XRRA1: variants seen among roughly 807,000 people sequenced by gnomAD.
The protein encoded by XRRA1 is X-ray radiation resistance associated 1, also known as X-ray radiation resistance-associated protein 1.
A neutral mutation model predicts 80.2 loss-of-function variants in XRRA1; 69 were observed. That is an observed-to-expected ratio of 0.86 (90% CI 0.71 to 1.05). The LOEUF (loss-of-function observed/expected upper bound fraction) is 1.05. Ranked by LOEUF, XRRA1 falls within the 50% of genes least tolerant of loss-of-function variation. The pLI is 0.00. For missense variants in XRRA1, 967 were observed against 976.4 expected (o/e 0.99, Z 0.13); for synonymous variants, 348 against 389.9 (o/e 0.89, Z 1.27).
At position 74,930,076 on chromosome 11, in the gene XRRA1, T is replaced by C. The variant is rs138759622; in HGVS notation, c.424+224A>G. Among the ~76,000 whole-genome samples, 73 of 152,300 alleles carry C rather than the reference T, an allele frequency of 4.8e-4. No homozygotes were observed. In the East Asian group the frequency reaches 4.8e-3, roughly 10 times the overall value. On this transcript the variant is annotated intron_variant, in intron 6 of 18. Transcript: ENST00000684022. ...GAAAAAAAGAAGGGAATTATCTCCA[T>C]TGACAGATAGAGAAGTAGAAGATCA...
At chr11:74,867,701 A>G (rs993693843) in intron 10 of XRRA1, among the ~76,000 whole-genome samples, 11 of 152,180 alleles carry the variant, frequency 7.2e-5, no homozygotes, top group Admixed American at 1.3e-4. Context: ...AGAGGCCAAC[A>G]TTCAAATTCA....
At chr11:74,914,022 T>C (rs1012583396) in intron 8 of XRRA1, among the ~76,000 whole-genome samples, 2 of 152,206 alleles carry the variant, frequency 1.3e-5, no homozygotes, top group African/African-American at 4.8e-5. Context: ...TCTCACTCTG[T>C]CGCCTGGGGT....
intron 10 of XRRA1, among the ~76,000 whole-genome samples, chr11:74,868,228 TAAAGA>T (rs1045563512): frequency 1.3e-5 from 2 of 152,108 alleles, no homozygotes; most frequent in Non-Finnish European, 2.9e-5. Context: ...TCAACATTCT[TAAAGA>T]AAAGAATTTC....
Position 74,940,872 on chromosome 11 carries a change from A to C in XRRA1, c.7T>G (p.Phe3Val). Residue 3 changes from phenylalanine (F) to valine (V), a missense_variant, in exon 3 of 19, where the codon TTC becomes GTC. Coordinates refer to ENST00000684022, the MANE Select transcript of XRRA1 (RefSeq NM_001378157.1). Reference sequence around the variant, plus strand: ...TCATCCAGCTTGTAGATTCCTGAGAAGGCCATCTCCCTGAGAGCCAGGCAA... The same window carrying C: ...TCATCCAGCTTGTAGATTCCTGAGACGGCCATCTCCCTGAGAGCCAGGCAA... The part of the protein sequence containing the change: MA[F>V]SGIYKLDDGK... 1.2e-6 allele frequency: 2 copies of C among 1,607,064 alleles called. No homozygotes were observed. Among genetic ancestry groups the C allele is most frequent in the Non-Finnish European group, 1.7e-6 (2 of 1,176,796 alleles).
At chr11:74,948,215 T>C (rs1014096681) in intron 1 of XRRA1, among the ~76,000 whole-genome samples, 1 of 152,220 alleles carries the variant, frequency 6.6e-6, no homozygotes, top group Non-Finnish European at 1.5e-5. Flanking sequence ...TATAATACAA[T>C]ACTGCTATTT....
At chr11:74,889,570 C>A (rs1246513988) in intron 10 of XRRA1, among the ~76,000 whole-genome samples, 6 of 152,092 alleles carry the variant, frequency 3.9e-5, no homozygotes, top group African/African-American at 1.4e-4. Flanking sequence ...CCTTAAGTGT[C>A]AATGGGCTAA....
chr11:74,899,004 A>G (rs1252985063), intron 10 of XRRA1, among the ~76,000 whole-genome samples: 1 of 152,214 alleles, frequency 6.6e-6, no homozygotes, highest in Non-Finnish European at 1.5e-5. Context: ...ACCATATGTT[A>G]GGTCACAAAA....
At chr11:74,891,637 C>G (rs1591106931) in intron 10 of XRRA1, among the ~76,000 whole-genome samples, 2 of 152,102 alleles carry the variant, frequency 1.3e-5, no homozygotes, top group South Asian at 4.1e-4. Flanking sequence ...GATGACATGA[C>G]TGTGTATCTA....
intron 10 of XRRA1, among the ~76,000 whole-genome samples, chr11:74,868,510 T>G (rs2136159062): frequency 6.6e-6 from 1 of 152,268 alleles, no homozygotes; most frequent in African/African-American, 2.4e-5. Flanking sequence ...CATATCAATA[T>G]TAACTTTGAA....
chr11:74,863,105 C>G, intron 10 of XRRA1, 84 bp from the exon 11 acceptor site: 1 of 1,311,392 alleles, frequency 7.6e-7, no homozygotes, highest in Non-Finnish European at 1.1e-6. Flanking sequence ...CTGCCATCCA[C>G]TGTGTGCAGC....
chr11:74,938,318 T>G (rs1945517387), intron 3 of XRRA1, among the ~76,000 whole-genome samples: 1 of 152,354 alleles, frequency 6.6e-6, no homozygotes, highest in Non-Finnish European at 1.5e-5. Context: ...TTCCCAGGGC[T>G]GCCCCCATCT....
chr11:74,898,724 T>C (rs1252280753), intron 10 of XRRA1, among the ~76,000 whole-genome samples: 1 of 152,118 alleles, frequency 6.6e-6, no homozygotes, highest in Non-Finnish European at 1.5e-5. Context: ...GATATACTGA[T>C]TACAAATATA....
intron 18 of XRRA1, 105 bp downstream of exon 18, chr11:74,843,749 T>C (rs781717450): frequency 1.3e-5 from 14 of 1,049,298 alleles, no homozygotes; most frequent in Non-Finnish European, 1.9e-5. Flanking sequence ...ATGTAGGCAG[T>C]TGCTCTCTAA....
Position 74,906,254 on chromosome 11 carries a change from C to A in XRRA1, c.988G>T (p.Asp330Tyr). The A allele has an allele frequency of 6.2e-7, 1 of 1,613,818 alleles. No individual in the cohort carries two copies. Among genetic ancestry groups the A allele is most frequent in the Non-Finnish European group, 8.5e-7 (1 of 1,179,842 alleles). ...LDYTVLPMKK[D>Y]VDRTEVVFSS... is the part of the protein sequence containing the mutation. ...TGTCACTCACCTGTCCGGTCAACAT[C>A]CTTTTTCATGGGCAGTACAGTATAA... Residue 330 changes from aspartate to tyrosine, a missense_variant, in exon 10 of 19, where the codon GAT (aspartate) becomes TAT (tyrosine). By Grantham distance (160) the Asp-to-Tyr change is radical. Transcript: ENST00000684022.
intron 10 of XRRA1, among the ~76,000 whole-genome samples, chr11:74,880,807 T>G (rs2047355844): frequency 6.6e-6 from 1 of 151,670 alleles, no homozygotes; most frequent in East Asian, 1.9e-4. Flanking sequence ...TCCAGTTTGA[T>G]TGCACTGTGG....
intron 14 of XRRA1, 26 bp from the exon 15 acceptor site, chr11:74,848,488 A>C (rs745568419): frequency 1.3e-6 from 2 of 1,566,040 alleles, no homozygotes; most frequent in Non-Finnish European, 1.7e-6. Flanking sequence ...GCCAGAATGA[A>C]TTTGCTTCCT....
At chr11:74,945,653 G>A (rs1244754003) in intron 1 of XRRA1, among the ~76,000 whole-genome samples, 1 of 150,800 alleles carries the variant, frequency 6.6e-6, no homozygotes, top group African/African-American at 2.4e-5. Context: ...ATCTTTATAT[G>A]GTAGAAAAAA....
chr11:74,890,090 G>A (rs1449008051), intron 10 of XRRA1, among the ~76,000 whole-genome samples: 1 of 152,144 alleles, frequency 6.6e-6, no homozygotes, highest in East Asian at 1.9e-4. Flanking sequence ...CAAATCAACA[G>A]AATATACATT....
intron 10 of XRRA1, among the ~76,000 whole-genome samples, chr11:74,901,663 C>A (rs997052680): frequency 2.0e-5 from 3 of 152,146 alleles, no homozygotes; most frequent in Non-Finnish European, 4.4e-5. Flanking sequence ...CGATTTTCGA[C>A]AAGGGTGCCA....
Sources: allele counts gnomAD v4.1 joint callset (sites outside exome capture counted in the v4.1 genomes callset), GRCh38; gene constraint gnomAD v4.1.1; transcripts MANE v1.5; gene names NCBI Gene and HGNC (gene_info 2026-07-23, HGNC 2026-07-21).